SLC8A3: variants seen among roughly 807,000 people sequenced by gnomAD.
SLC8A3 encodes sodium/calcium exchanger 3.
SLC8A3 carries 37 observed loss-of-function variants against 65.4 expected under a neutral mutation model. The observed-to-expected ratio is 0.57, with a 90% CI of 0.44 to 0.74. The LOEUF (loss-of-function observed/expected upper bound fraction) is 0.74. Among genes scored for constraint, SLC8A3 ranks in the 30% least tolerant of loss-of-function variants. The probability of loss-of-function intolerance (pLI) is 0.00; values close to 1 mark genes in which losing one functional copy is unlikely to be tolerated. For synonymous variants in SLC8A3, 461 were observed against 444.5 expected (o/e 1.04, Z -0.47); for missense variants, 1,112 against 1,172.1 (o/e 0.95, Z 0.75).
rs1886711248 is a variant in SLC8A3, at chr14:70,045,946, C to T, written c.*1G>A. ...CCCTGCTGGAGGCTCTGTTGTGTGG[C>T]TTAGAACCCCTTGATGTAGCAATAG... is the stretch of plus-strand genomic sequence containing the variant. On this transcript the variant is annotated 3_prime_UTR_variant, in exon 7 of 7. Transcript: ENST00000356921. The T allele has an allele frequency of 6.3e-7, 1 of 1,585,858 alleles. No homozygotes were observed. The highest frequency in any genetic ancestry group is 1.7e-5 in the Admixed American group (1 of 58,530).
chr14:70,187,462 A>C (rs1883372208), intron 1 of SLC8A3, among the ~76,000 whole-genome samples: 1 of 151,970 alleles, frequency 6.6e-6, no homozygotes, highest in African/African-American at 2.4e-5. Flanking sequence ...AATAAAATAC[A>C]ATGAATTAAG....
At chr14:70,144,059 G>A (rs959988827) in intron 2 of SLC8A3, among the ~76,000 whole-genome samples, 4 of 152,042 alleles carry the variant, frequency 2.6e-5, no homozygotes, top group Admixed American at 1.3e-4. Context: ...TCCTCCACTG[G>A]ATTGTGAGCT....
intron 1 of SLC8A3, among the ~76,000 whole-genome samples, chr14:70,176,553 G>A (rs1468985740): frequency 6.6e-6 from 1 of 152,218 alleles, no homozygotes; most frequent in Admixed American, 6.5e-5. Context: ...TTGCATCCCA[G>A]GTATTCCAGC....
At chr14:70,095,077 T>C (rs1892074310) in intron 2 of SLC8A3, among the ~76,000 whole-genome samples, 1 of 151,718 alleles carries the variant, frequency 6.6e-6, no homozygotes, top group African/African-American at 2.4e-5. Flanking sequence ...AGCGCTCACC[T>C]CATAGAGACG....
intron 2 of SLC8A3, among the ~76,000 whole-genome samples, chr14:70,109,989 A>G (rs924992693): frequency 1.3e-5 from 2 of 152,166 alleles, no homozygotes; most frequent in Admixed American, 1.3e-4. Flanking sequence ...CTAGTTTTAC[A>G]ATATGGAGAC....
intron 2 of SLC8A3, among the ~76,000 whole-genome samples, chr14:70,123,314 C>T (rs1490559087): frequency 6.6e-6 from 1 of 151,956 alleles, no homozygotes; most frequent in Non-Finnish European, 1.5e-5. Context: ...AGTCTTATCA[C>T]TCTCTCCTTT....
intron 2 of SLC8A3, among the ~76,000 whole-genome samples, chr14:70,158,366 T>C (rs17175813): frequency 0.2 from 30,551 of 152,080 alleles, 3,260 homozygotes; most frequent in Middle Eastern, 0.26. Context: ...GTGGAATACA[T>C]GGGGAGAAAC....
rs75300196 is a variant in SLC8A3, at chr14:70,063,910, C to T, written c.1785-2971G>A. The T allele has an allele frequency of 2.6e-5, 42 of 1,600,636 alleles. No individual in the cohort carries two copies. The African/African-American group carries it at 4.7e-4, about 18-fold the overall frequency. On this transcript the variant is annotated intron_variant, in intron 2 of 6. Coordinates refer to ENST00000356921, the MANE Select transcript of SLC8A3 (RefSeq NM_182932.3). ...TTCTCATATGCCTCATCATCAATTA[C>T]CTTGATGTGAATTGTTTTGCTGTGG...
chr14:70,185,921 G>T (rs1212227012), intron 1 of SLC8A3, among the ~76,000 whole-genome samples: 1 of 152,188 alleles, frequency 6.6e-6, no homozygotes, highest in Non-Finnish European at 1.5e-5. Context: ...GGTGGCTGTT[G>T]AATATTTATT....
At chr14:70,073,903 T>C (rs924099718) in intron 2 of SLC8A3, among the ~76,000 whole-genome samples, 1 of 152,222 alleles carries the variant, frequency 6.6e-6, no homozygotes, top group African/African-American at 2.4e-5. Context: ...AGAAAGCCCA[T>C]ATTTCTGGTG....
At chr14:70,052,838 A>T (rs1031902824) in intron 3 of SLC8A3, among the ~76,000 whole-genome samples, 28 of 152,162 alleles carry the variant, frequency 1.8e-4, no homozygotes, top group African/African-American at 6.8e-4. Context: ...AATTGCTTTC[A>T]TTCCACACAG....
chr14:70,155,930 G>T (rs531354913), intron 2 of SLC8A3, among the ~76,000 whole-genome samples: 1 of 152,162 alleles, frequency 6.6e-6, no homozygotes. Flanking sequence ...GTCCACACAG[G>T]TTAATTAAAA....
intron 2 of SLC8A3, among the ~76,000 whole-genome samples, chr14:70,084,766 T>G (rs532519192): frequency 2.0e-5 from 3 of 152,194 alleles, no homozygotes; most frequent in Non-Finnish European, 4.4e-5. Flanking sequence ...ATTAAGAAAC[T>G]GTCTCAGCTC....
intron 1 of SLC8A3, among the ~76,000 whole-genome samples, chr14:70,178,355 C>G (rs1361105667): frequency 1.3e-5 from 2 of 152,194 alleles, no homozygotes; most frequent in African/African-American, 4.8e-5. Flanking sequence ...TGAAGCAGGT[C>G]TGGTTCCCCC....
intron 1 of SLC8A3, among the ~76,000 whole-genome samples, chr14:70,169,522 TG>T (rs1897363418): frequency 6.6e-6 from 1 of 152,118 alleles, no homozygotes; most frequent in African/African-American, 2.4e-5. Flanking sequence ...ATTTTGGGGG[TG>T]ATATGCAGCT....
At chr14:70,131,403 G>A (rs1894823663) in intron 2 of SLC8A3, among the ~76,000 whole-genome samples, 1 of 152,218 alleles carries the variant, frequency 6.6e-6, no homozygotes, top group African/African-American at 2.4e-5. Flanking sequence ...GTTCCAGGCT[G>A]TGGGCCTGGG....
At chr14:70,055,361 T>C (rs1189818216) in intron 3 of SLC8A3, among the ~76,000 whole-genome samples, 1 of 152,150 alleles carries the variant, frequency 6.6e-6, no homozygotes, top group Non-Finnish European at 1.5e-5. Flanking sequence ...ACAGGTTTGG[T>C]TATTTCCTGG....
chr14:70,126,785 A>G (rs1175452057), intron 2 of SLC8A3, among the ~76,000 whole-genome samples: 1 of 152,106 alleles, frequency 6.6e-6, no homozygotes, highest in African/African-American at 2.4e-5. Flanking sequence ...AAAATGCTCC[A>G]AAATTGGAAC....
intron 5 of SLC8A3, 145 bp from the exon 6 acceptor site, chr14:70,049,187 C>T (rs887713186): frequency 2.6e-6 from 2 of 779,632 alleles, no homozygotes; most frequent in Non-Finnish European, 4.0e-6. Context: ...GGGCCAGGGC[C>T]AGCGTGCCAG....
Sources: gnomAD v4.1 joint callset for allele counts (sites outside exome capture counted in the v4.1 genomes callset) on GRCh38, gnomAD v4.1.1 for gene constraint, MANE v1.5 for transcripts, NCBI Gene and HGNC (gene_info 2026-07-23, HGNC 2026-07-21) for gene names.